The following CACNB2 variants were observed in gnomAD, a reference collection of about 807,000 sequenced individuals.
CACNB2 encodes voltage-dependent L-type calcium channel subunit beta-2.
In CACNB2, 42 loss-of-function variants were observed where a neutral mutation model predicts 73.3. The observed-to-expected ratio is 0.57, with a 90% CI of 0.45 to 0.74. The LOEUF is 0.74. Among genes scored for constraint, CACNB2 ranks in the 30% least tolerant of loss-of-function variants. CACNB2 has a pLI of 0.00. For synonymous variants in CACNB2, 348 were observed against 310.3 expected, an observed-to-expected ratio of 1.12 and a Z score of -1.28; for missense variants, 940 against 853.0, an observed-to-expected ratio of 1.10 and a Z score of -1.27.
At chr10:18,232,443 C>T (rs1208775783) in intron 2 of CACNB2, among the ~76,000 whole-genome samples, 2 of 152,120 alleles carry the variant, frequency 1.3e-5, no homozygotes, top group Non-Finnish European at 2.9e-5. Context: ...GTGTAGCCTT[C>T]TTGACAGGTA....
intron 2 of CACNB2, among the ~76,000 whole-genome samples, chr10:18,296,749 T>G (rs918725854): frequency 6.6e-6 from 1 of 152,234 alleles, no homozygotes; most frequent in Non-Finnish European, 1.5e-5. Flanking sequence ...CATTTACCCT[T>G]CTTTCCTCTT....
At chr10:18,251,784 G>A (rs111907403) in intron 2 of CACNB2, among the ~76,000 whole-genome samples, 6 of 152,270 alleles carry the variant, frequency 3.9e-5, no homozygotes, top group East Asian at 1.9e-4. Flanking sequence ...CAGAGAGCGC[G>A]AAGAGGGAAG....
chr10:18,499,985 G>C (rs1414630439), intron 4 of CACNB2, among the ~76,000 whole-genome samples: 1 of 151,938 alleles, frequency 6.6e-6, no homozygotes. Flanking sequence ...AAAAATAGAA[G>C]AGCCTAGAGA....
rs1323006769 is a variant in CACNB2, at chr10:18,286,471, T to C, written c.214-115453T>C. Among the ~76,000 whole-genome samples the C allele has an allele frequency of 2.4e-5, 3 of 123,072 alleles. No individual in the cohort carries two copies. The East Asian group carries it at 7.9e-4, about 32-fold the overall frequency. 80.7% of individuals were successfully genotyped at this position (123,072 alleles called of 152,430 possible). On this transcript the variant is annotated intron_variant, in intron 2 of 13. Coordinates refer to ENST00000324631, the MANE Select transcript of CACNB2 (RefSeq NM_201596.3). ...AGGTGGAGCTTGCAGCAAGCCGAGA[T>C]AGCGCCACTGCACTCCGACCTGGGC... is the stretch of plus-strand genomic sequence containing the variant.
intron 2 of CACNB2, among the ~76,000 whole-genome samples, chr10:18,188,489 G>C (rs987211515): frequency 1.1e-4 from 17 of 152,154 alleles, no homozygotes; most frequent in Non-Finnish European, 4.4e-5. Flanking sequence ...TTTTTTTATA[G>C]AGACAGGGTC....
chr10:18,226,201 A>G (rs916489650), intron 2 of CACNB2, among the ~76,000 whole-genome samples: 2 of 151,444 alleles, frequency 1.3e-5, no homozygotes, highest in African/African-American at 4.9e-5. Context: ...TAATTTTTGT[A>G]TTTTTGGTAG....
intron 3 of CACNB2, among the ~76,000 whole-genome samples, chr10:18,454,310 T>G (rs1450009112): frequency 6.6e-6 from 1 of 152,232 alleles, no homozygotes; most frequent in African/African-American, 2.4e-5. Flanking sequence ...GTATTAACAT[T>G]AATGTTTCAT....
At chr10:18,267,198 T>G (rs113801663) in intron 2 of CACNB2, among the ~76,000 whole-genome samples, 119,308 of 151,598 alleles carry the variant, frequency 0.79, 47,289 homozygotes, top group East Asian at 0.99. Context: ...GAACTGCATT[T>G]TTTTTTTATT....
At chr10:18,385,813 T>C (rs1168225925) in intron 2 of CACNB2, among the ~76,000 whole-genome samples, 1 of 152,174 alleles carries the variant, frequency 6.6e-6, no homozygotes, top group Non-Finnish European at 1.5e-5. Flanking sequence ...TAGAGATAAC[T>C]TATTTTTTTA....
At chr10:18,514,125 A>T in intron 6 of CACNB2, 111 bp from the exon 7 acceptor site, 2 of 1,088,498 alleles carry the variant, frequency 1.8e-6, no homozygotes, top group Non-Finnish European at 2.8e-6. Context: ...TGTGTTGAGC[A>T]CTCATGATAG....
chr10:18,170,306 A>AATGG (rs1276593544), intron 2 of CACNB2, among the ~76,000 whole-genome samples: 1 of 152,200 alleles, frequency 6.6e-6, no homozygotes, highest in Non-Finnish European at 1.5e-5. Flanking sequence ...TGAATGAATG[A>AATGG]AGTTGACCTG....
At chr10:18,330,029 C>G (rs952868742) in intron 2 of CACNB2, among the ~76,000 whole-genome samples, 1 of 152,000 alleles carries the variant, frequency 6.6e-6, no homozygotes, top group Admixed American at 6.6e-5. Context: ...TTAGTAGAGA[C>G]TAGGTTTTGC....
intron 3 of CACNB2, among the ~76,000 whole-genome samples, chr10:18,407,261 A>G (rs1293942397): frequency 6.6e-6 from 1 of 150,944 alleles, no homozygotes; most frequent in Non-Finnish European, 1.5e-5. Flanking sequence ...AGCTGGCATT[A>G]CAGGCACGCA....
At chr10:18,289,919 A>C (rs2038988656) in intron 2 of CACNB2, among the ~76,000 whole-genome samples, 1 of 152,130 alleles carries the variant, frequency 6.6e-6, no homozygotes, top group Admixed American at 6.6e-5. Flanking sequence ...GGTCCTTTAA[A>C]AATATATAGA....
intron 6 of CACNB2, among the ~76,000 whole-genome samples, chr10:18,511,456 T>C (rs970199113): frequency 4.9e-4 from 75 of 152,364 alleles, no homozygotes; most frequent in African/African-American, 1.3e-3. Flanking sequence ...TGATCTTCCA[T>C]CCTTTGAAAA....
chr10:18,539,882 T>C lies in CACNB2; in HGVS notation c.*158T>C, dbSNP rs771691354. ...GTTGCTTGAATAGCAATAGCATGGA[T>C]AGAGTATTGAGATACTTTTTCTTTT... On this transcript the variant is annotated 3_prime_UTR_variant, in exon 14 of 14. Coordinates refer to ENST00000324631, the MANE Select transcript of CACNB2 (RefSeq NM_201596.3). The C allele has an allele frequency of 1.0e-5, 8 of 795,642 alleles. No individual in the cohort carries two copies. The highest frequency in any genetic ancestry group is 1.7e-5 in the African/African-American group (1 of 57,826). The allele number at this position is 795,642 out of a possible 1,614,324, so 49.3% of individuals were successfully genotyped here. A position where few individuals can be genotyped will look rare whatever the true frequency, so the allele number is the denominator to read the frequency against.
At chr10:18,327,358 A>G (rs527828382) in intron 2 of CACNB2, among the ~76,000 whole-genome samples, 50 of 152,316 alleles carry the variant, frequency 3.3e-4, no homozygotes, top group African/African-American at 1.1e-3. Flanking sequence ...AGATATACCT[A>G]AATGCTCTTT....
intron 2 of CACNB2, among the ~76,000 whole-genome samples, chr10:18,367,209 ATT>A (rs75340843): frequency 0.3 from 44,897 of 150,026 alleles, 7,084 homozygotes; most frequent in East Asian, 0.67. Flanking sequence ...AACAAATAGT[ATT>A]TTTTTTTTTT....
chr10:18,369,099 A>G (rs1400062025), intron 2 of CACNB2, among the ~76,000 whole-genome samples: 1 of 152,190 alleles, frequency 6.6e-6, no homozygotes, highest in South Asian at 2.1e-4. Context: ...GAGTATTAGG[A>G]CATAAATTTG....
Sources: allele counts gnomAD v4.1 joint callset (sites outside exome capture counted in the v4.1 genomes callset), GRCh38; gene constraint gnomAD v4.1.1; transcripts MANE v1.5; gene names NCBI Gene and HGNC (gene_info 2026-07-23, HGNC 2026-07-21).